THRB: variants seen among roughly 807,000 people sequenced by gnomAD.
THRB encodes nuclear receptor subfamily 1 group A member 2.
A neutral mutation model predicts 47.8 loss-of-function variants in THRB; 12 were observed. The ratio of observed to expected loss-of-function variants is 0.25; its 90% CI spans 0.16 to 0.41. The LOEUF (loss-of-function observed/expected upper bound fraction) is 0.41, where lower values mean the gene tolerates loss of function less well. Ranked by LOEUF, THRB falls within the 10% of genes least tolerant of loss-of-function variation. The pLI is 1.00. For missense variants in THRB, 348 were observed against 589.2 expected, an observed-to-expected ratio of 0.59 and a Z score of 4.24; for synonymous variants, 218 against 212.2, an observed-to-expected ratio of 1.03 and a Z score of -0.24.
intron 3 of THRB, among the ~76,000 whole-genome samples, chr3:24,287,155 C>T (rs928191764): frequency 5.3e-5 from 8 of 152,140 alleles, no homozygotes; most frequent in Non-Finnish European, 1.2e-4. Context: ...ATCTTACACA[C>T]ATTTCCTTTT....
intron 3 of THRB, among the ~76,000 whole-genome samples, chr3:24,279,601 T>C (rs2054322996): frequency 6.6e-6 from 1 of 151,444 alleles, no homozygotes; most frequent in African/African-American, 2.4e-5. Flanking sequence ...TTCACTGTGT[T>C]AGCCAGGATG....
At chr3:24,277,922 T>C (rs1559806493) in intron 3 of THRB, among the ~76,000 whole-genome samples, 3 of 152,202 alleles carry the variant, frequency 2.0e-5, no homozygotes, top group Non-Finnish European at 2.9e-5. Flanking sequence ...GGTGACAACA[T>C]TAATAATGCA....
At chr3:24,267,760 G>A (rs1052227698) in intron 3 of THRB, among the ~76,000 whole-genome samples, 2 of 152,062 alleles carry the variant, frequency 1.3e-5, no homozygotes, top group African/African-American at 4.8e-5. Context: ...ACCACACTCT[G>A]CCCCTTGACT....
intron 6 of THRB, among the ~76,000 whole-genome samples, chr3:24,149,214 G>T (rs774270038): frequency 2.0e-5 from 3 of 152,196 alleles, no homozygotes; most frequent in Non-Finnish European, 4.4e-5. Flanking sequence ...TCACAGACAG[G>T]GAGGGGAGGG....
intron 1 of THRB, among the ~76,000 whole-genome samples, chr3:24,423,793 G>GA (rs1435049204): frequency 5.3e-5 from 8 of 151,796 alleles, no homozygotes; most frequent in Non-Finnish European, 8.8e-5. Flanking sequence ...CTTTCTAAAA[G>GA]AAAAAATGAA....
intron 1 of THRB, among the ~76,000 whole-genome samples, chr3:24,339,364 G>C (rs2062473936): frequency 6.6e-6 from 1 of 152,028 alleles, no homozygotes; most frequent in East Asian, 1.9e-4. Context: ...GACCGTATGA[G>C]GTAAGTATTA....
At chr3:24,135,477 A>G (rs564759233) in intron 8 of THRB, among the ~76,000 whole-genome samples, 1 of 152,156 alleles carries the variant, frequency 6.6e-6, no homozygotes, top group Non-Finnish European at 1.5e-5. Context: ...CGTGTTTCAC[A>G]ATGATTGAGA....
chr3:24,255,545 A>G (rs1364383021), intron 3 of THRB, among the ~76,000 whole-genome samples: 5 of 152,232 alleles, frequency 3.3e-5, no homozygotes, highest in Non-Finnish European at 5.9e-5. Flanking sequence ...CTTTCTAGAC[A>G]AAGTGATGAG....
chr3:24,180,366 C>T (rs1047520019), intron 5 of THRB, among the ~76,000 whole-genome samples: 1 of 152,202 alleles, frequency 6.6e-6, no homozygotes, highest in African/African-American at 2.4e-5. Flanking sequence ...GATATTCTGA[C>T]TCAAATGCCA....
intron 1 of THRB, among the ~76,000 whole-genome samples, chr3:24,369,113 C>T (rs1461776780): frequency 6.6e-6 from 1 of 152,112 alleles, no homozygotes; most frequent in African/African-American, 2.4e-5. Context: ...GCAATCCTCC[C>T]TCCTCAGCCT....
At position 24,278,453 on chromosome 3, in the gene THRB, T is replaced by C. The variant is rs904546257; in HGVS notation, c.-43+18773A>G. On this transcript the variant is annotated intron_variant, in intron 3 of 10. Transcript: ENST00000646209. ...GCCCAAAAGCAGGGGTATAGAATAT[T>C]TGACCTCTAGAGCTCTGCTCAGCAT... 7.2e-5 allele frequency among the ~76,000 whole-genome samples: 11 copies of C among 152,348 alleles called. No individual in the cohort carries two copies. The East Asian group carries it at 7.7e-4, about 11-fold the overall frequency.
At chr3:24,285,461 T>C (rs929477404) in intron 3 of THRB, among the ~76,000 whole-genome samples, 7 of 145,114 alleles carry the variant, frequency 4.8e-5, no homozygotes, top group African/African-American at 1.0e-4. Context: ...AGGGATAGCA[T>C]TGGGAGATAT....
chr3:24,297,524 A>G (rs546481744), intron 2 of THRB, among the ~76,000 whole-genome samples, 153 bp from the exon 3 acceptor site: 4 of 152,346 alleles, frequency 2.6e-5, no homozygotes, highest in South Asian at 2.1e-4. Flanking sequence ...TGAAGGCCCT[A>G]TAAACAAATG....
At chr3:24,419,762 T>C (rs1453271962) in intron 1 of THRB, among the ~76,000 whole-genome samples, 1 of 151,954 alleles carries the variant, frequency 6.6e-6, no homozygotes, top group Non-Finnish European at 1.5e-5. Flanking sequence ...TCATTAGGTC[T>C]GTCTCAACCA....
chr3:24,352,010 T>C (rs2063386786), intron 1 of THRB, among the ~76,000 whole-genome samples: 1 of 152,252 alleles, frequency 6.6e-6, no homozygotes, highest in Non-Finnish European at 1.5e-5. Context: ...CAATGAAGAA[T>C]GGTGTGAGCA....
chr3:24,240,819 C>G (rs1352872093), intron 3 of THRB, among the ~76,000 whole-genome samples: 2 of 150,554 alleles, frequency 1.3e-5, no homozygotes, highest in African/African-American at 2.5e-5. Flanking sequence ...ATATACTTTC[C>G]AGGGCCCACA....
chr3:24,299,784 TA>T (rs1357722997), intron 2 of THRB, among the ~76,000 whole-genome samples: 3,025 of 59,200 alleles, frequency 0.051, 288 homozygotes, highest in African/African-American at 0.15. Flanking sequence ...TTTATTTATT[TA>T]TTTATTTTTT....
At chr3:24,123,865 C>T (rs1451644807) in intron 10 of THRB, among the ~76,000 whole-genome samples, 1 of 152,148 alleles carries the variant, frequency 6.6e-6, no homozygotes, top group Non-Finnish European at 1.5e-5. Flanking sequence ...TTCCCAAGTC[C>T]TGTGCAGACT....
chr3:24,168,172 A>C (rs2039900387), intron 5 of THRB, among the ~76,000 whole-genome samples: 1 of 152,160 alleles, frequency 6.6e-6, no homozygotes, highest in African/African-American at 2.4e-5. Flanking sequence ...CAAAACTTTC[A>C]TTACTATTAG....
Sources: allele counts gnomAD v4.1 joint callset (sites outside exome capture counted in the v4.1 genomes callset), GRCh38; gene constraint gnomAD v4.1.1; transcripts MANE v1.5; gene names NCBI Gene and HGNC (gene_info 2026-07-23, HGNC 2026-07-21).